MAGI2: variants seen among roughly 807,000 people sequenced by gnomAD.
The protein encoded by MAGI2 is membrane associated guanylate kinase, WW and PDZ domain containing 2, also known as membrane-associated guanylate kinase, WW and PDZ domain-containing protein 2.
In MAGI2, 35 loss-of-function variants were observed where a neutral mutation model predicts 133.3. The observed-to-expected ratio is 0.26, with a 90% confidence interval of 0.20 to 0.35. MAGI2 has a LOEUF of 0.35. Among genes scored for constraint, MAGI2 ranks in the 10% least tolerant of loss-of-function variants. The pLI, the probability that MAGI2 is intolerant of heterozygous loss-of-function variation, is 1.00. For missense variants in MAGI2, 1,636 were observed against 1,863.4 expected, an observed-to-expected ratio of 0.88 and a Z score of 2.25; for synonymous variants, 729 against 710.6, an observed-to-expected ratio of 1.03 and a Z score of -0.41.
chr7:78,861,924 C>A (rs1286066265), intron 2 of MAGI2, among the ~76,000 whole-genome samples: 1 of 152,124 alleles, frequency 6.6e-6, no homozygotes, highest in Non-Finnish European at 1.5e-5. Context: ...ATTTAACAAT[C>A]AACAGAAGTG....
chr7:79,261,449 AG>A (rs2129556444), intron 1 of MAGI2, among the ~76,000 whole-genome samples: 1 of 152,328 alleles, frequency 6.6e-6, no homozygotes, highest in South Asian at 2.1e-4. Flanking sequence ...ACATAGTTCA[AG>A]CCTAAGGTTA....
intron 1 of MAGI2, among the ~76,000 whole-genome samples, chr7:79,087,227 C>T (rs912395026): frequency 1.3e-5 from 2 of 151,840 alleles, no homozygotes; most frequent in African/African-American, 4.8e-5. Context: ...GAGTGAAAGG[C>T]TGCATTCAAA....
At chr7:78,198,229 C>T (rs1828905070) in intron 11 of MAGI2, among the ~76,000 whole-genome samples, 1 of 152,036 alleles carries the variant, frequency 6.6e-6, no homozygotes, top group African/African-American at 2.4e-5. Flanking sequence ...TGTTTATAAA[C>T]ATCTCACTAG....
chr7:78,642,386 G>A (rs1298962439), intron 2 of MAGI2, among the ~76,000 whole-genome samples: 1 of 152,142 alleles, frequency 6.6e-6, no homozygotes, highest in Non-Finnish European at 1.5e-5. Flanking sequence ...ACTATCTTAG[G>A]TTAAGCATTC....
At chr7:79,218,857 T>C (rs1830227782) in intron 1 of MAGI2, among the ~76,000 whole-genome samples, 1 of 152,130 alleles carries the variant, frequency 6.6e-6, no homozygotes, top group Non-Finnish European at 1.5e-5. Context: ...ATGTGAGGCC[T>C]TCGCCTATGC....
At chr7:78,999,217 C>T (rs1320946146) in intron 2 of MAGI2, among the ~76,000 whole-genome samples, 3 of 151,332 alleles carry the variant, frequency 2.0e-5, no homozygotes, top group African/African-American at 7.3e-5. Context: ...TGTGTCACAG[C>T]AGCAGAAAAG....
chr7:78,377,373 G>A (rs1454254711), intron 6 of MAGI2, among the ~76,000 whole-genome samples: 1 of 152,010 alleles, frequency 6.6e-6, no homozygotes, highest in Non-Finnish European at 1.5e-5. Context: ...AAAAAATAAT[G>A]CTCAGAAAGG....
chr7:78,101,518 G>A (rs538297339), intron 20 of MAGI2, among the ~76,000 whole-genome samples: 4 of 152,224 alleles, frequency 2.6e-5, no homozygotes, highest in Admixed American at 2.6e-4. Flanking sequence ...AATGAAATTG[G>A]ACCCTTATCA....
chr7:78,134,777 C>G (rs1339446716), intron 17 of MAGI2: 1 of 399,960 alleles, frequency 2.5e-6, no homozygotes, highest in African/African-American at 2.0e-5. Flanking sequence ...GGAATTCACA[C>G]TATTTAGCCT....
chr7:78,051,867 G>C (rs528601610), intron 21 of MAGI2, among the ~76,000 whole-genome samples: 1 of 147,330 alleles, frequency 6.8e-6, no homozygotes, highest in East Asian at 2.0e-4. Flanking sequence ...TTGCAGGTGT[G>C]AGCCACCATA....
At chr7:79,327,892 G>C (rs544694762) in intron 1 of MAGI2, among the ~76,000 whole-genome samples, 17 of 151,986 alleles carry the variant, frequency 1.1e-4, no homozygotes, top group African/African-American at 3.9e-4. Flanking sequence ...ACAAAGTTTT[G>C]GTTTTGGTAT....
At chr7:78,428,008 CGCATAAATGAG>C (rs972805481) in intron 6 of MAGI2, among the ~76,000 whole-genome samples, 1 of 152,134 alleles carries the variant, frequency 6.6e-6, no homozygotes, top group African/African-American at 2.4e-5. Flanking sequence ...ACAATCCAAA[CGCATAAATGAG>C]AAGTTCTCAG....
chr7:78,019,591 G>A lies in MAGI2; in HGVS notation c.4092C>T (p.Gly1364=), dbSNP rs925809630. 2.0e-6 allele frequency: 2 copies of A among 980,206 alleles called. No individual in the cohort carries two copies. The highest frequency in any genetic ancestry group is 1.8e-5 in the African/African-American group (1 of 56,382). The allele number at this position is 980,206 out of a possible 1,614,324, so 60.7% of individuals were successfully genotyped here. ...CCGCCGCACGGGGCGCCTCCTTCCC[G>A]CCCGCCCGCGCCGCGTCCGCCGCGT... ...AADAADAARA[G]GKEAPRAAAG... The change falls in exon 22 of 22, where the codon GGC becomes GGT. Residue 1364 remains glycine, a synonymous_variant. Coordinates refer to ENST00000354212, the MANE Select transcript of MAGI2 (RefSeq NM_012301.4).
chr7:79,030,736 A>T (rs1339826461), intron 1 of MAGI2, among the ~76,000 whole-genome samples: 1 of 152,162 alleles, frequency 6.6e-6, no homozygotes, highest in Non-Finnish European at 1.5e-5. Context: ...AAATCAGGAG[A>T]TACTCTGAAA....
At position 79,245,702 on chromosome 7, in the gene MAGI2, G is replaced by A. The variant is rs539654904; in HGVS notation, c.301+207318C>T. On this transcript the variant is annotated intron_variant, in intron 1 of 21. Transcript: ENST00000354212. ...CTCTGGACCCACCTGGGATCAGGGAGAACTTGCCACCCTGAAGGGAAGGAC... is the reference window on the plus strand; with the variant it reads ...CTCTGGACCCACCTGGGATCAGGGAAAACTTGCCACCCTGAAGGGAAGGAC... 5.8e-4 allele frequency among the ~76,000 whole-genome samples: 89 copies of A among 152,284 alleles called. 2 individuals are homozygous for A. Among genetic ancestry groups the A allele is most frequent in the African/African-American group, 2.1e-3 (86 of 41,550 alleles).
At chr7:78,575,756 G>T (rs1230481873) in intron 3 of MAGI2, among the ~76,000 whole-genome samples, 1 of 152,034 alleles carries the variant, frequency 6.6e-6, no homozygotes, top group Non-Finnish European at 1.5e-5. Context: ...CAAAATACTT[G>T]ACAAATACTC....
chr7:79,241,958 A>T (rs967536202), intron 1 of MAGI2, among the ~76,000 whole-genome samples: 3 of 152,146 alleles, frequency 2.0e-5, no homozygotes, highest in African/African-American at 7.2e-5. Flanking sequence ...AGCAGCACAC[A>T]TTCCCTAGCC....
intron 1 of MAGI2, among the ~76,000 whole-genome samples, chr7:79,286,360 G>C (rs866122555): frequency 1.3e-5 from 2 of 152,016 alleles, no homozygotes; most frequent in Admixed American, 1.3e-4. Flanking sequence ...ACCTAGCTAG[G>C]TTCAGAGAGA....
At chr7:78,730,985 C>A (rs1177803680) in intron 2 of MAGI2, among the ~76,000 whole-genome samples, 1 of 151,948 alleles carries the variant, frequency 6.6e-6, no homozygotes, top group East Asian at 1.9e-4. Flanking sequence ...CTGTTTAATA[C>A]AATTTTCCTC....
Sources: gnomAD v4.1 joint callset for allele counts (sites outside exome capture counted in the v4.1 genomes callset) on GRCh38, gnomAD v4.1.1 for gene constraint, MANE v1.5 for transcripts, NCBI Gene and HGNC (gene_info 2026-07-23, HGNC 2026-07-21) for gene names.